NAA25: variants seen among roughly 807,000 people sequenced by gnomAD.
NAA25 encodes the protein N-terminal acetyltransferase B complex subunit NAA25.
In NAA25, 30 loss-of-function variants were observed where a neutral mutation model predicts 132.5. The ratio of observed to expected loss-of-function variants is 0.23; its 90% CI spans 0.17 to 0.31. NAA25 has a LOEUF of 0.31. Ranked by LOEUF, NAA25 falls within the 10% of genes least tolerant of loss-of-function variation. The probability of loss-of-function intolerance (pLI) is 1.00; values close to 1 mark genes in which losing one functional copy is unlikely to be tolerated. For missense variants in NAA25, 771 were observed against 1,150.4 expected (o/e 0.67, Z 4.77); for synonymous variants, 359 against 401.9 (o/e 0.89, Z 1.28).
chr12:112,107,711 T>C (rs1425595674), intron 1 of NAA25, among the ~76,000 whole-genome samples: 5 of 152,152 alleles, frequency 3.3e-5, no homozygotes, highest in Admixed American at 3.3e-4. Flanking sequence ...ATGAGGTCTA[T>C]AAATACGATG....
chr12:112,031,644 T>A (rs1478476980), intron 23 of NAA25, among the ~76,000 whole-genome samples: 2 of 152,076 alleles, frequency 1.3e-5, no homozygotes, highest in Non-Finnish European at 2.9e-5. Flanking sequence ...TGCAGACAGA[T>A]CTTTTAACAT....
chr12:112,061,106 C>T, intron 12 of NAA25, 75 bp downstream of exon 12: 2 of 1,186,490 alleles, frequency 1.7e-6, no homozygotes, highest in Admixed American at 2.0e-5. Context: ...CAGGGTGCTA[C>T]AGGTGCTTAA....
At chr12:112,084,042 C>T (rs1055481119) in intron 4 of NAA25, among the ~76,000 whole-genome samples, 2 of 152,142 alleles carry the variant, frequency 1.3e-5, no homozygotes, top group Admixed American at 1.3e-4. Flanking sequence ...TATGATCTTG[C>T]AGGCTCTGAT....
At chr12:112,063,305 G>T (rs1025597683) in intron 11 of NAA25, among the ~76,000 whole-genome samples, 5 of 152,084 alleles carry the variant, frequency 3.3e-5, no homozygotes, top group Non-Finnish European at 7.4e-5. Context: ...GTGCTGATGG[G>T]ACTAAAATAG....
chr12:112,093,743 G>A (rs1450566445), intron 1 of NAA25, among the ~76,000 whole-genome samples: 1 of 152,008 alleles, frequency 6.6e-6, no homozygotes, highest in African/African-American at 2.4e-5. Context: ...AGCCAGGCAT[G>A]TTGCCATGCA....
chr12:112,095,626 A>T (rs1383350912), intron 1 of NAA25, among the ~76,000 whole-genome samples: 128 of 151,702 alleles, frequency 8.4e-4, no homozygotes, highest in African/African-American at 3.0e-3. Context: ...AAACAAAAAA[A>T]AAAAAACAAG....
At chr12:112,063,250 G>C (rs2078664322) in intron 11 of NAA25, among the ~76,000 whole-genome samples, 1 of 152,102 alleles carries the variant, frequency 6.6e-6, no homozygotes, top group Non-Finnish European at 1.5e-5. Context: ...ACAGAATCTT[G>C]GAAGACTCAG....
rs1211637849 is a variant in NAA25 at position 112,048,343 on chromosome 12, G to A, written c.1829C>T (p.Ala610Val). 2 of 1,614,036 alleles carry A rather than the reference G, an allele frequency of 1.2e-6. No homozygotes were observed. The highest frequency in any genetic ancestry group is 1.7e-5 in the Admixed American group (1 of 59,996). Residue 610 changes from alanine (A) to valine (V), a missense_variant, in exon 16 of 24, where the codon GCA (alanine) becomes GTA (valine). Coordinates refer to ENST00000261745, the MANE Select transcript of NAA25 (RefSeq NM_024953.4). ...RNRLNNSLHF[A>V]QVRTERMLLD... is the part of the protein sequence containing the mutation. ...CAGCATCCGTTCAGTACGGACTTGT[G>A]CAAAATGAAGAGAATTATTCAGCCT...
chr12:112,053,507 A>T, intron 15 of NAA25, 51 bp downstream of exon 15: 1 of 1,292,254 alleles, frequency 7.7e-7, no homozygotes. Context: ...GCTCCTCAAT[A>T]GTGTGCAGTC....
chr12:112,097,552 A>G (rs2079231508), intron 1 of NAA25: 2 of 150,660 alleles, frequency 1.3e-5, no homozygotes, highest in South Asian at 4.2e-4. Context: ...GGTTTCAGTA[A>G]GCCAAGATTG....
rs566528517 is a variant in NAA25 at position 112,086,014 on chromosome 12, CAAAAAAAAAAAAAAAAAAAAAAAAA to C, written c.402+1644_402+1668del. Reference sequence around the variant, plus strand: ...CCTGGGTGACAGAGTGAGACTGTCTCAAAAAAAAAAAAAAAAAAAAAAAAAAAAAAAAAAAAAATATATATATATA... The same window carrying C: ...CCTGGGTGACAGAGTGAGACTGTCTCAAAAAAAAAAAAATATATATATATA... On this transcript the variant is annotated intron_variant, in intron 4 of 23. Coordinates refer to ENST00000261745, the MANE Select transcript of NAA25 (RefSeq NM_024953.4). 5.8e-4 allele frequency among the ~76,000 whole-genome samples: 7 copies of C among 11,984 alleles called. No individual in the cohort carries two copies. In the Admixed American group the frequency reaches 8.0e-3, roughly 14 times the overall value. 7.9% of individuals were successfully genotyped at this position (11,984 alleles called of 152,430 possible). A position where few individuals can be genotyped will look rare whatever the true frequency, so the allele number is the denominator to read the frequency against.
At chr12:112,077,199 G>A (rs933393642) in intron 7 of NAA25, among the ~76,000 whole-genome samples, 1 of 151,396 alleles carries the variant, frequency 6.6e-6, no homozygotes, top group African/African-American at 2.4e-5. Flanking sequence ...GAGGCCAGGC[G>A]TGGTGGCTCA....
At chr12:112,075,918 T>C (rs572769220) in intron 7 of NAA25, 129 bp from the exon 8 acceptor site, 3 of 679,600 alleles carry the variant, frequency 4.4e-6, no homozygotes, top group Non-Finnish European at 7.1e-6. Context: ...GTTTCACTCT[T>C]GTCACCCAGG....
chr12:112,070,342 C>T (rs1393531292), intron 10 of NAA25, among the ~76,000 whole-genome samples: 8 of 152,136 alleles, frequency 5.3e-5, no homozygotes, highest in African/African-American at 4.8e-5. Context: ...TCTCTCAATG[C>T]TTTACTATCC....
chr12:112,030,030 T>C (rs903402894), intron 23 of NAA25, among the ~76,000 whole-genome samples: 12 of 151,922 alleles, frequency 7.9e-5, no homozygotes, highest in Admixed American at 6.6e-4. Context: ...CTGGTCAACA[T>C]GGTGAAACCC....
intron 17 of NAA25, among the ~76,000 whole-genome samples, chr12:112,044,456 G>T (rs1443992568): frequency 6.6e-6 from 1 of 151,570 alleles, no homozygotes; most frequent in Admixed American, 6.6e-5. Context: ...AGATCACGAG[G>T]TCAGGAGATC....
At chr12:112,090,977 C>G (rs1029184232) in intron 2 of NAA25, 113 bp from the exon 3 acceptor site, 2 of 1,056,000 alleles carry the variant, frequency 1.9e-6, no homozygotes, top group Non-Finnish European at 2.7e-6. Flanking sequence ...TGCTGATATA[C>G]TAGTTTCAGG....
intron 22 of NAA25, among the ~76,000 whole-genome samples, chr12:112,038,858 A>G (rs2078262983): frequency 6.6e-6 from 1 of 152,184 alleles, no homozygotes; most frequent in African/African-American, 2.4e-5. Flanking sequence ...AGGCGCCTGT[A>G]ATCCCAGCTA....
intron 7 of NAA25, among the ~76,000 whole-genome samples, chr12:112,077,529 G>A (rs1024297586): frequency 2.6e-5 from 4 of 151,602 alleles, no homozygotes; most frequent in South Asian, 2.1e-4. Flanking sequence ...TGTGCCCGTC[G>A]TCCTAGCTAC....
Sources: allele counts gnomAD v4.1 joint callset (sites outside exome capture counted in the v4.1 genomes callset), GRCh38; gene constraint gnomAD v4.1.1; transcripts MANE v1.5; gene names NCBI Gene and HGNC (gene_info 2026-07-23, HGNC 2026-07-21).